Variants in CNTN6 observed in about 807,000 individuals in gnomAD.
CNTN6 encodes contactin 6.
In CNTN6, 137 loss-of-function variants were observed where a neutral mutation model predicts 122.8. The ratio of observed to expected loss-of-function variants is 1.12; its 90% CI spans 0.97 to 1.29. The LOEUF (loss-of-function observed/expected upper bound fraction) is 1.29. Among genes scored for constraint, CNTN6 ranks in the 50% most tolerant of loss-of-function variants. The pLI is 0.00. For missense variants in CNTN6, 1,634 were observed against 1,223.4 expected, an observed-to-expected ratio of 1.34 and a Z score of -5.01; for synonymous variants, 570 against 426.0, an observed-to-expected ratio of 1.34 and a Z score of -4.16.
At chr3:1,377,882 T>C (rs895254373) in intron 17 of CNTN6, among the ~76,000 whole-genome samples, 1 of 152,152 alleles carries the variant, frequency 6.6e-6, no homozygotes, top group African/African-American at 2.4e-5. Context: ...GCTCTAGTTA[T>C]GGCAAATTAT....
intron 7 of CNTN6, among the ~76,000 whole-genome samples, chr3:1,313,575 T>C (rs73816297): frequency 1.4e-4 from 22 of 152,062 alleles, no homozygotes; most frequent in Non-Finnish European, 2.8e-4. Context: ...TCTATAAAAT[T>C]TGCCTGCGTC....
At chr3:1,226,317 G>A (rs1223642332) in intron 3 of CNTN6, among the ~76,000 whole-genome samples, 1 of 152,160 alleles carries the variant, frequency 6.6e-6, no homozygotes, top group Non-Finnish European at 1.5e-5. Context: ...TTTGGAAACT[G>A]GCTATATTCC....
At chr3:1,174,009 G>A (rs1286423259) in intron 2 of CNTN6, among the ~76,000 whole-genome samples, 1 of 152,080 alleles carries the variant, frequency 6.6e-6, no homozygotes. Context: ...AAAATACACT[G>A]GAGAAAACAC....
intron 4 of CNTN6, among the ~76,000 whole-genome samples, chr3:1,265,806 T>G (rs1052190899): frequency 6.6e-6 from 1 of 152,198 alleles, no homozygotes; most frequent in Non-Finnish European, 1.5e-5. Context: ...GTTTTTCAGC[T>G]TTAGCCTGAA....
At chr3:1,249,397 T>C (rs1337919157) in intron 4 of CNTN6, among the ~76,000 whole-genome samples, 1 of 152,222 alleles carries the variant, frequency 6.6e-6, no homozygotes, top group Non-Finnish European at 1.5e-5. Flanking sequence ...AAAGTATAAA[T>C]GCAGACTCAC....
chr3:1,157,017 C>CT (rs200694885), intron 2 of CNTN6, among the ~76,000 whole-genome samples: 98 of 145,340 alleles, frequency 6.7e-4, no homozygotes, highest in South Asian at 3.0e-3. Flanking sequence ...CACCTTGCCT[C>CT]TTTTTTTTTT....
intron 20 of CNTN6, among the ~76,000 whole-genome samples, chr3:1,394,678 G>C (rs1471084790): frequency 1.3e-5 from 2 of 152,052 alleles, no homozygotes; most frequent in Non-Finnish European, 2.9e-5. Flanking sequence ...AAAAGTGTTA[G>C]TTTGTGCTAA....
chr3:1,354,213 A>G (rs1706161052), intron 12 of CNTN6, among the ~76,000 whole-genome samples: 1 of 150,808 alleles, frequency 6.6e-6, no homozygotes, highest in Non-Finnish European at 1.5e-5. Context: ...TCAGATGTGT[A>G]ATATAGCCAT....
intron 1 of CNTN6, among the ~76,000 whole-genome samples, chr3:1,142,954 T>TG (rs1553605779): frequency 7.3e-6 from 1 of 137,460 alleles, no homozygotes; most frequent in Non-Finnish European, 1.5e-5. Flanking sequence ...ACATATAAAT[T>TG]TGTGTGTGTG....
intron 4 of CNTN6, among the ~76,000 whole-genome samples, chr3:1,233,734 C>CAA (rs1166507455): frequency 0.21 from 10,665 of 51,580 alleles, 1,482 homozygotes; most frequent in Non-Finnish European, 0.25. Flanking sequence ...GACTCTGTCT[C>CAA]AAAAAAAAAA....
At chr3:1,221,062 C>T (rs1575296205) in intron 3 of CNTN6, among the ~76,000 whole-genome samples, 1 of 152,046 alleles carries the variant, frequency 6.6e-6, no homozygotes, top group East Asian at 1.9e-4. Context: ...GGTAACCGTA[C>T]TTATGTCTCT....
At chr3:1,218,849 A>C (rs1257735448) in intron 2 of CNTN6, among the ~76,000 whole-genome samples, 5 of 152,184 alleles carry the variant, frequency 3.3e-5, no homozygotes, top group African/African-American at 1.2e-4. Flanking sequence ...AAAGGAAGCC[A>C]GGTTGTTTTG....
chr3:1,095,428 G>A (rs1384563574), intron 1 of CNTN6, among the ~76,000 whole-genome samples: 1 of 152,092 alleles, frequency 6.6e-6, no homozygotes, highest in Non-Finnish European at 1.5e-5. Flanking sequence ...CAGAGATCGC[G>A]CCATTGCCCT....
At chr3:1,182,858 GAA>G (rs932862245) in intron 2 of CNTN6, among the ~76,000 whole-genome samples, 3 of 151,350 alleles carry the variant, frequency 2.0e-5, no homozygotes, top group African/African-American at 7.3e-5. Context: ...TTTCTTTTTT[GAA>G]AAAAGTCATC....
intron 2 of CNTN6, among the ~76,000 whole-genome samples, chr3:1,196,030 G>T (rs541962119): frequency 6.6e-6 from 1 of 152,162 alleles, no homozygotes; most frequent in Non-Finnish European, 1.5e-5. Context: ...ACAATGAAAG[G>T]TTAGGTTCTT....
chr3:1,193,126 A>C (rs1472270824), intron 2 of CNTN6, among the ~76,000 whole-genome samples: 1 of 152,170 alleles, frequency 6.6e-6, no homozygotes, highest in African/African-American at 2.4e-5. Context: ...AGCCATATTG[A>C]GCTATTAAAG....
chr3:1,376,420 ATTC>A (rs1203281004), intron 16 of CNTN6, among the ~76,000 whole-genome samples: 1 of 152,134 alleles, frequency 6.6e-6, no homozygotes, highest in Non-Finnish European at 1.5e-5. Context: ...TCCCAGTCGC[ATTC>A]TTGACAGGAG....
At chr3:1,278,840 C>G (rs982300465) in intron 5 of CNTN6, among the ~76,000 whole-genome samples, 3 of 152,058 alleles carry the variant, frequency 2.0e-5, no homozygotes, top group African/African-American at 2.4e-5. Context: ...ATTTATTTAC[C>G]CCACTTTGAG....
At chr3:1,170,235 T>G (rs1215871164) in intron 2 of CNTN6, among the ~76,000 whole-genome samples, 1 of 11,906 alleles carries the variant, frequency 8.4e-5, no homozygotes, top group Non-Finnish European at 1.9e-4. Context: ...AGGCTCCATC[T>G]CAAAAAAAAA....
Sources: gnomAD v4.1 joint callset for allele counts (sites outside exome capture counted in the v4.1 genomes callset) on GRCh38, gnomAD v4.1.1 for gene constraint, MANE v1.5 for transcripts, NCBI Gene and HGNC (gene_info 2026-07-23, HGNC 2026-07-21) for gene names.